SLC8A1: variants seen among roughly 807,000 people sequenced by gnomAD.
SLC8A1 encodes solute carrier family 8 member A1.
SLC8A1 carries 18 observed loss-of-function variants against 68.3 expected under a neutral mutation model. That is an observed-to-expected ratio of 0.26 (90% confidence interval 0.18 to 0.39). The LOEUF (loss-of-function observed/expected upper bound fraction) is 0.39, where lower values mean the gene tolerates loss of function less well. Among genes scored for constraint, SLC8A1 ranks in the 10% least tolerant of loss-of-function variants. The pLI, the probability that SLC8A1 is intolerant of heterozygous loss-of-function variation, is 1.00. For missense variants in SLC8A1, 985 were observed against 1,156.7 expected (o/e 0.85, Z 2.15); for synonymous variants, 475 against 415.5 (o/e 1.14, Z -1.74).
chr2:40,391,362 G>C (rs948639305), intron 2 of SLC8A1, among the ~76,000 whole-genome samples: 2 of 151,942 alleles, frequency 1.3e-5, no homozygotes, highest in Non-Finnish European at 2.9e-5. Context: ...ATAGGAATAA[G>C]TGTCCTTTTA....
At chr2:40,188,326 T>C (rs2051086800) in intron 2 of SLC8A1, among the ~76,000 whole-genome samples, 1 of 152,210 alleles carries the variant, frequency 6.6e-6, no homozygotes, top group African/African-American at 2.4e-5. Context: ...ACGTTTAAAA[T>C]GATTTGTGGC....
chr2:40,290,257 TG>T (rs1349069031), intron 2 of SLC8A1, among the ~76,000 whole-genome samples: 2 of 146,864 alleles, frequency 1.4e-5, no homozygotes, highest in Non-Finnish European at 3.0e-5. Context: ...TAACTGCAGC[TG>T]AAAAAAAAAA....
At chr2:40,294,998 T>C (rs1329552374) in intron 2 of SLC8A1, among the ~76,000 whole-genome samples, 1 of 152,140 alleles carries the variant, frequency 6.6e-6, no homozygotes, top group African/African-American at 2.4e-5. Context: ...TTTACCCAAA[T>C]ATCTTTAGAC....
At chr2:40,207,748 G>A (rs1436428730) in intron 2 of SLC8A1, among the ~76,000 whole-genome samples, 1 of 152,138 alleles carries the variant, frequency 6.6e-6, no homozygotes, top group Non-Finnish European at 1.5e-5. Flanking sequence ...TGGTTTAACG[G>A]TGTGTAGTGC....
intron 2 of SLC8A1, among the ~76,000 whole-genome samples, chr2:40,392,088 TAAA>T (rs1559499429): frequency 6.9e-5 from 5 of 72,486 alleles, no homozygotes; most frequent in Admixed American, 6.7e-4. Context: ...AGGAGAAAAA[TAAA>T]AAAGAAAGCG....
intron 2 of SLC8A1, among the ~76,000 whole-genome samples, chr2:40,253,047 GTATA>G (rs2063158202): frequency 1.4e-5 from 1 of 69,456 alleles, no homozygotes; most frequent in South Asian, 2.9e-4. Flanking sequence ...ATCAGTATAT[GTATA>G]TATGTACATG....
chr2:40,184,281 T>A (rs2050202879), intron 2 of SLC8A1, among the ~76,000 whole-genome samples: 1 of 152,130 alleles, frequency 6.6e-6, no homozygotes, highest in Admixed American at 6.5e-5. Context: ...AATAATAATA[T>A]ACATAAAATA....
chr2:40,319,901 A>C (rs1249587387), intron 2 of SLC8A1, among the ~76,000 whole-genome samples: 1 of 152,128 alleles, frequency 6.6e-6, no homozygotes, highest in Non-Finnish European at 1.5e-5. Flanking sequence ...CAATGTCGTT[A>C]TTAAAAAGTG....
rs149857909 is a variant in SLC8A1 at position 40,243,039 on chromosome 2, C to T, written c.1809-65184G>A. Among the ~76,000 whole-genome samples the T allele has an allele frequency of 3.9e-5, 6 of 152,212 alleles. No individual in the cohort carries two copies. In the South Asian group the frequency reaches 8.3e-4, roughly 21 times the overall value. On this transcript the variant is annotated intron_variant, in intron 2 of 7. Transcript: ENST00000406785. Reference sequence around the variant, plus strand: ...TTCATTCCTTCACCAAACGTGGATACGAGTGTCTACTGAATGTCCAGTAAA... The same window carrying T: ...TTCATTCCTTCACCAAACGTGGATATGAGTGTCTACTGAATGTCCAGTAAA...
At chr2:40,178,017 G>GC (rs984147258) in intron 2 of SLC8A1, among the ~76,000 whole-genome samples, 2 of 152,124 alleles carry the variant, frequency 1.3e-5, no homozygotes, top group Non-Finnish European at 2.9e-5. Flanking sequence ...CTCTTGGCTG[G>GC]CCCCCATTAA....
intron 1 of SLC8A1, among the ~76,000 whole-genome samples, chr2:40,437,436 G>A (rs558454871): frequency 1.3e-5 from 2 of 152,194 alleles, no homozygotes; most frequent in African/African-American, 4.8e-5. Flanking sequence ...TGATCCATGT[G>A]AAGGATCATC....
At chr2:40,427,191 G>A (rs1309270420) in intron 2 of SLC8A1, among the ~76,000 whole-genome samples, 1 of 151,978 alleles carries the variant, frequency 6.6e-6, no homozygotes, top group Admixed American at 6.6e-5. Context: ...TATCACTATA[G>A]TATAACAACA....
intron 2 of SLC8A1, among the ~76,000 whole-genome samples, chr2:40,194,001 G>T (rs189866482): frequency 1.3e-5 from 2 of 152,202 alleles, no homozygotes; most frequent in Admixed American, 6.5e-5. Flanking sequence ...AGTTGAAATT[G>T]CATGAAATGC....
At chr2:40,210,454 T>C (rs1035801904) in intron 2 of SLC8A1, among the ~76,000 whole-genome samples, 2 of 152,186 alleles carry the variant, frequency 1.3e-5, no homozygotes, top group South Asian at 2.1e-4. Context: ...TAGACTGGCA[T>C]GACTTTTAAA....
chr2:40,329,766 C>G (rs1009509303), intron 2 of SLC8A1, among the ~76,000 whole-genome samples: 6 of 152,136 alleles, frequency 3.9e-5, no homozygotes, highest in Admixed American at 6.5e-5. Flanking sequence ...AGGGAAGACT[C>G]CCAGGTTGCA....
At chr2:40,398,824 C>A (rs148531705) in intron 2 of SLC8A1, among the ~76,000 whole-genome samples, 1 of 152,136 alleles carries the variant, frequency 6.6e-6, no homozygotes, top group Non-Finnish European at 1.5e-5. Context: ...TCTTCAACTG[C>A]TACTACCCAG....
intron 2 of SLC8A1, among the ~76,000 whole-genome samples, chr2:40,402,933 G>A (rs1689177446): frequency 6.6e-6 from 1 of 152,034 alleles, no homozygotes; most frequent in Non-Finnish European, 1.5e-5. Context: ...TTTTATTTGT[G>A]ACTTACTGTT....
intron 2 of SLC8A1, among the ~76,000 whole-genome samples, chr2:40,285,703 G>T (rs1404665409): frequency 1.3e-5 from 2 of 152,062 alleles, no homozygotes; most frequent in African/African-American, 4.8e-5. Context: ...TATAAGGTAG[G>T]GAAACTTGCA....
intron 2 of SLC8A1, among the ~76,000 whole-genome samples, chr2:40,236,757 T>A (rs1185553507): frequency 6.6e-6 from 1 of 152,036 alleles, no homozygotes; most frequent in Non-Finnish European, 1.5e-5. Context: ...CCTTCCCATG[T>A]TTAGTGCTTC....
Sources: allele counts gnomAD v4.1 joint callset (sites outside exome capture counted in the v4.1 genomes callset), GRCh38; gene constraint gnomAD v4.1.1; transcripts MANE v1.5; gene names NCBI Gene and HGNC (gene_info 2026-07-23, HGNC 2026-07-21).